WLS: variants seen among roughly 807,000 people sequenced by gnomAD.
WLS encodes the protein protein wntless homolog.
WLS carries 23 observed loss-of-function variants against 62.8 expected under a neutral mutation model. The ratio of observed to expected loss-of-function variants is 0.37; its 90% confidence interval spans 0.26 to 0.52. The LOEUF (loss-of-function observed/expected upper bound fraction) is 0.52. Ranked by LOEUF, WLS falls within the 20% of genes least tolerant of loss-of-function variation. The pLI is 0.92. For synonymous variants in WLS, 246 were observed against 244.1 expected, an observed-to-expected ratio of 1.01 and a Z score of -0.07; for missense variants, 615 against 697.3, an observed-to-expected ratio of 0.88 and a Z score of 1.33.
rs1370543623 is a variant in WLS, at chr1:68,137,724, A to G, written c.1516+56T>C. The G allele has an allele frequency of 3.0e-5, 47 of 1,560,130 alleles. No homozygotes were observed. The East Asian group carries it at 1.1e-3, about 35-fold the overall frequency. Reference sequence around the variant, plus strand: ...AGAGCTTTAGCCATTTAAATCTTGTAAAGACAGAAGCCTATTTATCCTGAC... The same window carrying G: ...AGAGCTTTAGCCATTTAAATCTTGTGAAGACAGAAGCCTATTTATCCTGAC... On this transcript the variant is annotated intron_variant, in intron 11 of 11. Coordinates refer to ENST00000262348, the MANE Select transcript of WLS (RefSeq NM_024911.7).
At chr1:68,193,716 C>G in intron 2 of WLS, 1 of 514,150 alleles carries the variant, frequency 1.9e-6, no homozygotes, top group Non-Finnish European at 3.4e-6. Flanking sequence ...TCATGAGTAA[C>G]CTCACTGGTG....
intron 1 of WLS, among the ~76,000 whole-genome samples, chr1:68,226,602 A>T (rs1650150752): frequency 2.0e-5 from 3 of 152,100 alleles, no homozygotes; most frequent in Admixed American, 2.0e-4. Flanking sequence ...ATGCTAGAAA[A>T]CTACATCCTA....
At chr1:68,160,546 T>G (rs552769588) in intron 2 of WLS, among the ~76,000 whole-genome samples, 1 of 152,304 alleles carries the variant, frequency 6.6e-6, no homozygotes, top group South Asian at 2.1e-4. Flanking sequence ...GTAGAGAACT[T>G]TTACATTAGT....
At chr1:68,127,336 G>T (rs1477614366) in intron 11 of WLS, 2 of 160,006 alleles carry the variant, frequency 1.2e-5, no homozygotes, top group African/African-American at 4.8e-5. Context: ...CAGGAAAAAA[G>T]AAGTGCCAGA....
chr1:68,111,722 C>T (rs1043949164), intron 11 of WLS, among the ~76,000 whole-genome samples: 3 of 152,174 alleles, frequency 2.0e-5, no homozygotes, highest in Admixed American at 1.3e-4. Context: ...ATGAAGCATG[C>T]AGGTCTCCAC....
At chr1:68,199,491 T>C (rs7511845) in intron 1 of WLS, among the ~76,000 whole-genome samples, 11,868 of 152,214 alleles carry the variant, frequency 0.078, 572 homozygotes, top group East Asian at 0.21. Context: ...GAGGTAGAGA[T>C]AGAACATGTG....
chr1:68,199,064 T>TGG (rs993795489), intron 1 of WLS, among the ~76,000 whole-genome samples: 22 of 102,912 alleles, frequency 2.1e-4, no homozygotes, highest in African/African-American at 8.4e-4. Flanking sequence ...ATTTAAGAGT[T>TGG]AGAGAGAGAC....
chr1:68,231,971 A>G lies in WLS; in HGVS notation c.106+223T>C, dbSNP rs140768941. Reference sequence around the variant, plus strand: ...CCCCCCTCTTGCCTTTCAAGTGGATACTGAAACTAGGCCAAAACTTTTTCC... The same window carrying G: ...CCCCCCTCTTGCCTTTCAAGTGGATGCTGAAACTAGGCCAAAACTTTTTCC... On this transcript the variant is annotated intron_variant, in intron 1 of 11. Transcript: ENST00000262348. 1,948 of 493,018 alleles carry G rather than the reference A, an allele frequency of 4.0e-3. 35 individuals carry two copies. The highest frequency in any genetic ancestry group is 0.036 in the African/African-American group (1,798 of 49,562). The allele number at this position is 493,018 out of a possible 1,614,324, so 30.5% of individuals were successfully genotyped here. A position where few individuals can be genotyped will look rare whatever the true frequency, so the allele number is the denominator to read the frequency against.
At chr1:68,221,103 C>CT (rs1315076916) in intron 1 of WLS, among the ~76,000 whole-genome samples, 9 of 152,036 alleles carry the variant, frequency 5.9e-5, no homozygotes, top group Non-Finnish European at 5.9e-5. Flanking sequence ...TACAAATTAT[C>CT]TTTTTTTTCT....
At chr1:68,106,716 CTGTGTGTGTGTGTGTGTGTGTG>C (rs59601112) in intron 11 of WLS, among the ~76,000 whole-genome samples, 3 of 146,796 alleles carry the variant, frequency 2.0e-5, no homozygotes, top group Non-Finnish European at 4.5e-5. Flanking sequence ...GTGTTTGTCA[CTGTGTGTGTGTGTGTGTGTGTG>C]TGTGTGTGTG....
At chr1:68,173,381 T>C (rs1036916202) in intron 2 of WLS, among the ~76,000 whole-genome samples, 1 of 151,938 alleles carries the variant, frequency 6.6e-6, no homozygotes, top group Non-Finnish European at 1.5e-5. Flanking sequence ...AATAGCTGAT[T>C]TGATCGTTGT....
At position 68,153,546 on chromosome 1, in the gene WLS, C is replaced by G; in HGVS notation, c.774G>C (p.Met258Ile). The part of the protein sequence containing the change: ...IMVWYWRRIT[M>I]MSRPPVLLEK... The stretch of plus-strand genomic sequence containing the variant: ...CCAGAAGCACTGGGGGTCGGGACAT[C>G]ATGGTGATCCTCCTCCAATACCACA... The change falls in exon 5 of 12, where the codon ATG becomes ATC. Residue 258 changes from methionine (M) to isoleucine (I), a missense_variant. Met to Ile is a conservative substitution (Grantham distance 10, BLOSUM62 1). Transcript: ENST00000262348. The G allele has an allele frequency of 6.2e-7, 1 of 1,614,158 alleles. No individual in the cohort carries two copies. Among genetic ancestry groups the G allele is most frequent in the Non-Finnish European group, 8.5e-7 (1 of 1,180,016 alleles).
intron 2 of WLS, among the ~76,000 whole-genome samples, chr1:68,183,977 A>G (rs1443657424): frequency 6.6e-6 from 1 of 152,198 alleles, no homozygotes. Flanking sequence ...AGTGTACAGC[A>G]CAAGGATCAA....
intron 2 of WLS, among the ~76,000 whole-genome samples, chr1:68,180,551 G>A (rs1037673407): frequency 1.2e-4 from 19 of 152,092 alleles, no homozygotes; most frequent in African/African-American, 3.9e-4. Flanking sequence ...TCAAGTAGCA[G>A]AACATGTTCC....
At chr1:68,221,377 G>C (rs11800633) in intron 1 of WLS, among the ~76,000 whole-genome samples, 16,566 of 152,120 alleles carry the variant, frequency 0.11, 1,175 homozygotes, top group East Asian at 0.37. Context: ...TGACAGCAAG[G>C]CCCAATGTGC....
chr1:68,130,411 A>G (rs2100395265), intron 11 of WLS, among the ~76,000 whole-genome samples: 1 of 152,292 alleles, frequency 6.6e-6, no homozygotes, highest in African/African-American at 2.4e-5. Context: ...AAGGTCATAC[A>G]CAATGTGTGC....
chr1:68,106,199 T>A (rs1646140627), intron 11 of WLS, among the ~76,000 whole-genome samples: 1 of 152,144 alleles, frequency 6.6e-6, no homozygotes, highest in South Asian at 2.1e-4. Flanking sequence ...TCTGGAGTGG[T>A]TTATTAAAAG....
chr1:68,140,277 A>T (rs2566787), intron 10 of WLS, among the ~76,000 whole-genome samples: 88,943 of 152,030 alleles, frequency 0.59, 26,682 homozygotes, highest in Admixed American at 0.65. Context: ...ATACAACACA[A>T]GGGTAGGAAT....
intron 2 of WLS, among the ~76,000 whole-genome samples, chr1:68,182,283 G>A (rs796949282): frequency 2.6e-5 from 4 of 152,304 alleles, no homozygotes; most frequent in African/African-American, 9.6e-5. Context: ...GCCTATGGAG[G>A]AGCCTTATAA....
Sources: allele counts gnomAD v4.1 joint callset (sites outside exome capture counted in the v4.1 genomes callset), GRCh38; gene constraint gnomAD v4.1.1; transcripts MANE v1.5; gene names NCBI Gene and HGNC (gene_info 2026-07-23, HGNC 2026-07-21).